The following AARS1 variants were observed in gnomAD, a reference collection of about 807,000 sequenced individuals.
AARS1 encodes alanine--tRNA ligase, cytoplasmic.
AARS1 carries 72 observed loss-of-function variants against 108.9 expected under a neutral mutation model. The observed-to-expected ratio is 0.66, with a 90% CI of 0.55 to 0.80. The LOEUF (loss-of-function observed/expected upper bound fraction) is 0.80, where lower values mean the gene tolerates loss of function less well. Among genes scored for constraint, AARS1 ranks in the 30% least tolerant of loss-of-function variants. The pLI, the probability that AARS1 is intolerant of heterozygous loss-of-function variation, is 0.00. For synonymous variants in AARS1, 489 were observed against 465.7 expected (o/e 1.05, Z -0.64); for missense variants, 1,193 against 1,233.2 (o/e 0.97, Z 0.49).
chr16:70,287,377 G>A (rs1376847878), intron 1 of AARS1, among the ~76,000 whole-genome samples: 4 of 131,956 alleles, frequency 3.0e-5, no homozygotes, highest in Admixed American at 2.8e-4. Flanking sequence ...GCAGCGAGCC[G>A]AGATCATGCC....
intron 4 of AARS1, among the ~76,000 whole-genome samples, chr16:70,273,584 C>T (rs957939670): frequency 3.9e-5 from 6 of 151,932 alleles, no homozygotes; most frequent in African/African-American, 1.2e-4. Context: ...CAGACAGGGC[C>T]GGGCGCAGTG....
rs199976742 is a variant in AARS1 at position 70,267,773 on chromosome 16, T to C, written c.1108A>G (p.Met370Val). 149 of 1,614,048 alleles carry C rather than the reference T, an allele frequency of 9.2e-5. No individual in the cohort carries two copies. The highest frequency in any genetic ancestry group is 6.7e-5 in the East Asian group (3 of 44,890). Residue 370 changes from methionine (M) to valine (V), a missense_variant, in exon 9 of 21, where the codon ATG becomes GTG. Physicochemically the swap from Met to Val is conservative, Grantham distance 21. Transcript: ENST00000261772. The stretch of plus-strand genomic sequence containing the variant: ...TCTTCATTAATGATGTCCTTCACCA[T>C]GTCTGGGTCCTTCTTCAGCTCAGGA... ...AFPELKKDPD[M>V]VKDIINEEEV...
chr16:70,278,428 G>A (rs1960605717), intron 2 of AARS1, among the ~76,000 whole-genome samples: 1 of 151,792 alleles, frequency 6.6e-6, no homozygotes. Context: ...AGCCAGCCAT[G>A]GTGGTGCACG....
chr16:70,258,283 G>C, intron 14 of AARS1, 66 bp from the exon 15 acceptor site: 4 of 1,528,042 alleles, frequency 2.6e-6, no homozygotes, highest in Non-Finnish European at 3.5e-6. Flanking sequence ...GACGAGGCAG[G>C]AAAGCATGGT....
intron 15 of AARS1, among the ~76,000 whole-genome samples, chr16:70,257,184 G>A (rs1285260027): frequency 1.3e-5 from 2 of 152,092 alleles, no homozygotes; most frequent in Non-Finnish European, 1.5e-5. Flanking sequence ...TGGAGGTGGA[G>A]GTTGCAGTTA....
intron 2 of AARS1, among the ~76,000 whole-genome samples, chr16:70,280,250 T>C (rs758033863): frequency 7.2e-5 from 11 of 152,114 alleles, no homozygotes; most frequent in South Asian, 2.1e-4. Flanking sequence ...GGAGTCTCAC[T>C]CTGTTGCCCA....
chr16:70,258,506 CT>C (rs1158387130), intron 14 of AARS1, among the ~76,000 whole-genome samples: 1 of 152,254 alleles, frequency 6.6e-6, no homozygotes, highest in Non-Finnish European at 1.5e-5. Flanking sequence ...TCCCTCTCCC[CT>C]CCACCAACCA....
At chr16:70,275,049 C>A (rs1960503309) in intron 4 of AARS1, among the ~76,000 whole-genome samples, 1 of 149,882 alleles carries the variant, frequency 6.7e-6, no homozygotes, top group African/African-American at 2.5e-5. Flanking sequence ...CACCTGAAGT[C>A]AGGAGTTTGA....
rs747794570 is a variant in AARS1, at chr16:70,262,339, G to A, written c.1671+7C>T. 1.5e-5 allele frequency: 24 copies of A among 1,614,028 alleles called. No homozygotes were observed. In the Admixed American group the frequency reaches 2.8e-4, roughly 19 times the overall value. On this transcript the variant is annotated splice_region_variant and intron_variant, in intron 12 of 20. Transcript: ENST00000261772. ...CCTCGGCTAACAAGGAAGAACTGTT[G>A]GCTCACATCTTCACTGCTGTCATCC...
rs796966375 is a variant in AARS1 at position 70,272,733 on chromosome 16, C to T, written c.480-761G>A. On this transcript the variant is annotated intron_variant, in intron 4 of 20. Coordinates refer to ENST00000261772, the MANE Select transcript of AARS1 (RefSeq NM_001605.3). ...AGGAGTTCGAGACCAGCCTGGGCAA[C>T]ATTGCGAAACCCCGACTCTCTAAAA... Among the ~76,000 whole-genome samples, 10 of 151,524 alleles carry T rather than the reference C, an allele frequency of 6.6e-5. 1 individual carries two copies. Among genetic ancestry groups the T allele is most frequent in the African/African-American group, 2.4e-4 (10 of 41,196 alleles).
chr16:70,262,759 G>C (rs1025313615), intron 11 of AARS1, among the ~76,000 whole-genome samples: 4 of 151,762 alleles, frequency 2.6e-5, no homozygotes, highest in African/African-American at 9.7e-5. Context: ...ACGGGGTCAA[G>C]AGATCGAGAC....
Position 70,268,247 on chromosome 16 carries a change from G to C in AARS1, c.1071+24C>G, listed in dbSNP as rs754589476. 2.5e-6 allele frequency: 4 copies of C among 1,600,240 alleles called. No homozygotes were observed. In the African/African-American group the frequency reaches 4.0e-5, roughly 16 times the overall value. The stretch of plus-strand genomic sequence containing the variant: ...CTTAACGGACTGCTTTAGCACAGAA[G>C]GGTAAGCAGAGAAATAAACCTACCA... On this transcript the variant is annotated intron_variant, in intron 8 of 20. Coordinates refer to ENST00000261772, the MANE Select transcript of AARS1 (RefSeq NM_001605.3).
At chr16:70,267,915 C>T in intron 8 of AARS1, 106 bp from the exon 9 acceptor site, 1 of 1,520,776 alleles carries the variant, frequency 6.6e-7, no homozygotes, top group Non-Finnish European at 9.0e-7. Flanking sequence ...CGCCTGTAAT[C>T]CTACCACTTT....
At chr16:70,270,633 C>T (rs549111875) in intron 5 of AARS1, among the ~76,000 whole-genome samples, 5 of 151,182 alleles carry the variant, frequency 3.3e-5, no homozygotes, top group Non-Finnish European at 7.4e-5. Flanking sequence ...AGGTCAGGAG[C>T]TCGAGACCAG....
At chr16:70,269,562 C>A in intron 7 of AARS1, 56 bp downstream of exon 7, 1 of 1,607,112 alleles carries the variant, frequency 6.2e-7, no homozygotes. Context: ...CATAAAGAGT[C>A]ACACATAGCA....
intron 12 of AARS1, 65 bp from the exon 13 acceptor site, chr16:70,261,222 T>G: frequency 1.2e-5 from 15 of 1,237,310 alleles, no homozygotes; most frequent in Non-Finnish European, 1.5e-5. Context: ...TTCTTATATT[T>G]TCAATATAAA....
intron 11 of AARS1, among the ~76,000 whole-genome samples, chr16:70,262,996 A>AAAAAAAAACC (rs1555540563): frequency 7.7e-6 from 1 of 129,062 alleles, no homozygotes; most frequent in African/African-American, 3.5e-5. Context: ...AAAAAAAAAA[A>AAAAAAAAACC]AACAACAACA....
chr16:70,277,232 G>T lies in AARS1; in HGVS notation c.145-78C>A. 3 of 1,359,056 alleles carry T rather than the reference G, an allele frequency of 2.2e-6. No homozygotes were observed. The South Asian group carries it at 3.5e-5, about 16-fold the overall frequency. The allele number at this position is 1,359,056 out of a possible 1,614,324, so 84.2% of individuals were successfully genotyped here. A position where few individuals can be genotyped will look rare whatever the true frequency, so the allele number is the denominator to read the frequency against. ...TGGCCACACACTAGCAGGAAGAGACGACCACACACTAACTGTGCAGTTCAT... is the reference window on the plus strand; with the variant it reads ...TGGCCACACACTAGCAGGAAGAGACTACCACACACTAACTGTGCAGTTCAT... On this transcript the variant is annotated intron_variant, in intron 2 of 20. Transcript: ENST00000261772.
intron 11 of AARS1, among the ~76,000 whole-genome samples, chr16:70,264,048 C>T (rs1483536089): frequency 6.6e-6 from 1 of 151,784 alleles, no homozygotes; most frequent in Non-Finnish European, 1.5e-5. Flanking sequence ...GAGTTTGAGA[C>T]CTGCCTGGCA....
Sources: allele counts gnomAD v4.1 joint callset (sites outside exome capture counted in the v4.1 genomes callset), GRCh38; gene constraint gnomAD v4.1.1; transcripts MANE v1.5; gene names NCBI Gene and HGNC (gene_info 2026-07-23, HGNC 2026-07-21).